SH3BP5: variants seen among roughly 807,000 people sequenced by gnomAD.
SH3BP5 encodes the protein SH3 domain-binding protein 5.
SH3BP5 carries 22 observed loss-of-function variants against 43.3 expected under a neutral mutation model. That is an observed-to-expected ratio of 0.51 (90% CI 0.36 to 0.73). The LOEUF (loss-of-function observed/expected upper bound fraction) is 0.73. SH3BP5 is among the 30% of genes least tolerant of loss of function. The probability of loss-of-function intolerance (pLI) is 0.00; values close to 1 mark genes in which losing one functional copy is unlikely to be tolerated. For synonymous variants in SH3BP5, 255 were observed against 225.8 expected, an observed-to-expected ratio of 1.13 and a Z score of -1.16; for missense variants, 529 against 586.9, an observed-to-expected ratio of 0.90 and a Z score of 1.02.
chr3:15,271,404 G>T (rs1476995068), intron 3 of SH3BP5, among the ~76,000 whole-genome samples: 3 of 152,094 alleles, frequency 2.0e-5, no homozygotes, highest in Admixed American at 2.0e-4. Context: ...CAGAGGCTGG[G>T]CACGGTGGCT....
At chr3:15,281,963 C>T (rs1168431665) in intron 3 of SH3BP5, among the ~76,000 whole-genome samples, 6 of 152,122 alleles carry the variant, frequency 3.9e-5, no homozygotes, top group Admixed American at 3.3e-4. Flanking sequence ...GCCGAGATTG[C>T]GCCACTGCAC....
chr3:15,339,974 G>A (rs1403707935), intron 1 of SH3BP5: 1 of 152,168 alleles, frequency 6.6e-6, no homozygotes, highest in Non-Finnish European at 1.5e-5. Context: ...ACATTTTGCA[G>A]ACACTATTCT....
chr3:15,324,728 G>C (rs954246916), intron 2 of SH3BP5, among the ~76,000 whole-genome samples: 2 of 152,082 alleles, frequency 1.3e-5, no homozygotes, highest in Non-Finnish European at 2.9e-5. Context: ...TCCTTTGATA[G>C]AGGAATTTTT....
At chr3:15,330,405 T>C in intron 2 of SH3BP5, 99 bp downstream of exon 2, 2 of 949,556 alleles carry the variant, frequency 2.1e-6, no homozygotes, top group South Asian at 2.7e-5. Context: ...AGGAGGGGGG[T>C]CCAGCAATAA....
intron 6 of SH3BP5, chr3:15,259,500 C>A (rs1314122298): frequency 1.7e-6 from 1 of 580,546 alleles, no homozygotes; most frequent in East Asian, 3.0e-5. Context: ...CCAGGTGATG[C>A]TGATGCTGCT....
chr3:15,285,568 G>C (rs972991181), intron 3 of SH3BP5, among the ~76,000 whole-genome samples: 2 of 152,192 alleles, frequency 1.3e-5, no homozygotes, highest in African/African-American at 4.8e-5. Flanking sequence ...AAAATACTTT[G>C]AAAACTGCCC....
rs1455735991 is a variant in SH3BP5, at chr3:15,254,925, T to TATCA, written c.*1157_*1160dup. ...AAATAACCTTGTAATTAAGATACTG[T>TATCA]ATCAGTCAAAAAAGAAGTCACTATT... On this transcript the variant is annotated 3_prime_UTR_variant, in exon 9 of 9. Coordinates refer to ENST00000383791, the MANE Select transcript of SH3BP5 (RefSeq NM_004844.5). 1.3e-5 allele frequency: 2 copies of TATCA among 152,202 alleles called. No homozygotes were observed. Among genetic ancestry groups the TATCA allele is most frequent in the Admixed American group, 6.5e-5 (1 of 15,268 alleles). 9.4% of individuals were successfully genotyped at this position (152,202 alleles called of 1,614,324 possible). A position where few individuals can be genotyped will look rare whatever the true frequency, so the allele number is the denominator to read the frequency against.
At chr3:15,303,530 G>A (rs1042942066) in intron 3 of SH3BP5, among the ~76,000 whole-genome samples, 2 of 151,992 alleles carry the variant, frequency 1.3e-5, no homozygotes, top group Non-Finnish European at 1.5e-5. Context: ...CCCAGCAATC[G>A]CCTGATCACA....
chr3:15,262,124 C>T (rs916342654), intron 5 of SH3BP5, 35 bp downstream of exon 5: 3 of 1,611,438 alleles, frequency 1.9e-6, no homozygotes, highest in South Asian at 1.1e-5. Context: ...CTAGGACAGC[C>T]GCACGGCCCC....
chr3:15,314,652 C>T (rs1322464634), intron 2 of SH3BP5, among the ~76,000 whole-genome samples: 1 of 152,208 alleles, frequency 6.6e-6, no homozygotes, highest in Non-Finnish European at 1.5e-5. Flanking sequence ...GGCATAGGCC[C>T]AATTCCACAG....
At chr3:15,288,789 A>G (rs1697333856) in intron 3 of SH3BP5, among the ~76,000 whole-genome samples, 1 of 152,216 alleles carries the variant, frequency 6.6e-6, no homozygotes, top group Non-Finnish European at 1.5e-5. Flanking sequence ...TGCTCTGGGT[A>G]AGACATGAGG....
chr3:15,292,806 C>T, intron 3 of SH3BP5, among the ~76,000 whole-genome samples: 1 of 152,202 alleles, frequency 6.6e-6, no homozygotes. Flanking sequence ...CGAGATCACA[C>T]CATTGCACCC....
intron 2 of SH3BP5, among the ~76,000 whole-genome samples, chr3:15,310,831 G>A (rs969618256): frequency 1.3e-5 from 2 of 152,166 alleles, no homozygotes; most frequent in African/African-American, 2.4e-5. Flanking sequence ...GGGTGGTAGA[G>A]TCTCCCTGTT....
intron 3 of SH3BP5, among the ~76,000 whole-genome samples, chr3:15,298,464 A>C (rs1042833398): frequency 1.3e-5 from 2 of 152,240 alleles, no homozygotes; most frequent in African/African-American, 4.8e-5. Flanking sequence ...GGCAACTTTC[A>C]GCACTAAATA....
intron 3 of SH3BP5, among the ~76,000 whole-genome samples, chr3:15,279,065 G>T (rs981058573): frequency 1.3e-5 from 2 of 152,116 alleles, no homozygotes; most frequent in South Asian, 4.1e-4. Context: ...AGCTACTCAG[G>T]GGGCTGAGGC....
intron 2 of SH3BP5, among the ~76,000 whole-genome samples, chr3:15,320,640 A>ACCC (rs1553619762): frequency 6.7e-6 from 1 of 149,560 alleles, no homozygotes; most frequent in African/African-American, 2.5e-5. Context: ...ACACACACAC[A>ACCC]CCCCACTACG....
At chr3:15,265,512 T>TCTCACTCTCACACA (rs1318765546) in intron 4 of SH3BP5, among the ~76,000 whole-genome samples, 2 of 107,934 alleles carry the variant, frequency 1.9e-5, no homozygotes, top group African/African-American at 8.3e-5. Context: ...CGAGACTCCG[T>TCTCACTCTCACACA]CACACACACA....
At position 15,312,695 on chromosome 3, in the gene SH3BP5, G is replaced by A. The variant is rs75667525; in HGVS notation, c.202-8464C>T. ...CACAATGTCTTCAGCACCTGTATAC[G>A]TTTGTTAATCTCTTTCTTAAAGAAA... On this transcript the variant is annotated intron_variant, in intron 2 of 8. Coordinates refer to ENST00000383791, the MANE Select transcript of SH3BP5 (RefSeq NM_004844.5). Among the ~76,000 whole-genome samples, 381 of 152,238 alleles carry A rather than the reference G, an allele frequency of 2.5e-3. 4 individuals are homozygous for A. Among genetic ancestry groups the A allele is most frequent in the Middle Eastern group, 0.024 (7 of 294 alleles).
chr3:15,324,839 C>G (rs1197345468), intron 2 of SH3BP5, among the ~76,000 whole-genome samples: 1 of 149,000 alleles, frequency 6.7e-6, no homozygotes, highest in East Asian at 2.0e-4. Flanking sequence ...TTTGTTTGTA[C>G]CATTGCTCCT....
Sources: gnomAD v4.1 joint callset for allele counts (sites outside exome capture counted in the v4.1 genomes callset) on GRCh38, gnomAD v4.1.1 for gene constraint, MANE v1.5 for transcripts, NCBI Gene and HGNC (gene_info 2026-07-23, HGNC 2026-07-21) for gene names.